The following SLC7A8 variants were observed in gnomAD, a reference collection of about 807,000 sequenced individuals.
SLC7A8 encodes large neutral amino acids transporter small subunit 2.
A neutral mutation model predicts 51.2 loss-of-function variants in SLC7A8; 30 were observed. The observed-to-expected ratio is 0.59, with a 90% CI of 0.44 to 0.80. SLC7A8 has a LOEUF of 0.80. SLC7A8 is among the 30% of genes least tolerant of loss of function. The pLI, the probability that SLC7A8 is intolerant of heterozygous loss-of-function variation, is 0.00. For missense variants in SLC7A8, 612 were observed against 674.4 expected (o/e 0.91, Z 1.03); for synonymous variants, 257 against 275.8 (o/e 0.93, Z 0.67).
Position 23,182,896 on chromosome 14 carries a change from G to T in SLC7A8, c.19C>A (p.His7Asn). The T allele has an allele frequency of 6.2e-7, 1 of 1,614,096 alleles. No homozygotes were observed. The highest frequency in any genetic ancestry group is 8.5e-7 in the Non-Finnish European group (1 of 1,180,018). Residue 7 changes from histidine to asparagine, a missense_variant, in exon 1 of 11, where the codon CAC becomes AAC. Coordinates refer to ENST00000316902, the MANE Select transcript of SLC7A8 (RefSeq NM_012244.4). MEEGARHRNNTEKKHPG... is the reference protein window; with the variant it reads MEEGARNRNNTEKKHPG... ...TGTTTCTTTTCGGTGTTGTTTCGGT[G>T]CCTGGCTCCTTCTTCCATCCTTCTC... is the stretch of plus-strand genomic sequence containing the variant.
chr14:23,180,883 A>C (rs182641142), intron 1 of SLC7A8, among the ~76,000 whole-genome samples: 2,374 of 152,150 alleles, frequency 0.016, 45 homozygotes, highest in African/African-American at 0.054. Context: ...AAAAATTAGC[A>C]GGGCGTGGTG....
intron 3 of SLC7A8, among the ~76,000 whole-genome samples, chr14:23,154,998 C>CAAAA (rs33973055): frequency 3.8e-4 from 34 of 89,400 alleles, no homozygotes; most frequent in African/African-American, 6.2e-4. Flanking sequence ...ACACAACAGA[C>CAAAA]AAAAAAAAAA....
intron 3 of SLC7A8, among the ~76,000 whole-genome samples, chr14:23,154,039 CAG>C (rs915362173): frequency 1.3e-5 from 2 of 152,198 alleles, no homozygotes; most frequent in African/African-American, 4.8e-5. Context: ...AGGAGCAGAA[CAG>C]AGAGAGGCCA....
At position 23,140,569 on chromosome 14, in the gene SLC7A8, G is replaced by T. The variant is rs763226598; in HGVS notation, c.690C>A (p.Asp230Glu). Residue 230 changes from aspartate to glutamate, a missense_variant, in exon 5 of 11, where the codon GAC becomes GAA. Asp to Glu is a conservative substitution (Grantham distance 45). Coordinates refer to ENST00000316902, the MANE Select transcript of SLC7A8 (RefSeq NM_012244.4). ...GGAAAGCCAGTGCGACGAGGCCGAT[G>T]TCAGGTTCCTGGAAATTCTCAAATG... Reference protein sequence around the residue: ...KNAFENFQEPDIGLVALAFLQ... With the variant: ...KNAFENFQEPEIGLVALAFLQ... 3.1e-6 allele frequency: 5 copies of T among 1,614,046 alleles called. No homozygotes were observed. Among genetic ancestry groups the T allele is most frequent in the Non-Finnish European group, 4.2e-6 (5 of 1,179,996 alleles).
chr14:23,165,465 A>G lies in SLC7A8; in HGVS notation c.357-29T>C. ...AAGGAGGAAAGGGACATCCGCCGAA[A>G]GGCATGGCAGGGACGCAGAGCCATC... On this transcript the variant is annotated intron_variant, in intron 2 of 10. Coordinates refer to ENST00000316902, the MANE Select transcript of SLC7A8 (RefSeq NM_012244.4). The surrounding 1 kb of genome is among the most constrained non-coding windows in gnomAD (Gnocchi z 4.2). 6.4e-7 allele frequency: 1 copy of G among 1,568,768 alleles called. No homozygotes were observed. Among genetic ancestry groups the G allele is most frequent in the Non-Finnish European group, 8.6e-7 (1 of 1,163,598 alleles).
intron 7 of SLC7A8, 129 bp downstream of exon 7, chr14:23,137,792 C>A: frequency 1.7e-6 from 2 of 1,169,404 alleles, no homozygotes; most frequent in East Asian, 4.8e-5. Flanking sequence ...TGAGCAGTCA[C>A]CCCTCTGCAA....
chr14:23,142,126 G>A (rs930862248), intron 4 of SLC7A8, among the ~76,000 whole-genome samples: 12 of 152,344 alleles, frequency 7.9e-5, no homozygotes, highest in Non-Finnish European at 1.5e-4. Flanking sequence ...TTATATAGCA[G>A]AAACTTAATT....
At chr14:23,139,309 T>A in intron 6 of SLC7A8, 115 bp downstream of exon 6, 1 of 1,514,216 alleles carries the variant, frequency 6.6e-7, no homozygotes, top group Non-Finnish European at 9.1e-7. Flanking sequence ...CCTGAGAACT[T>A]GGGGGTGATT....
At chr14:23,151,512 C>T (rs2048846906) in intron 3 of SLC7A8, among the ~76,000 whole-genome samples, 1 of 152,052 alleles carries the variant, frequency 6.6e-6, no homozygotes, top group Non-Finnish European at 1.5e-5. Flanking sequence ...ATCCCAGTGA[C>T]AGTAGAGACT....
chr14:23,171,908 C>T (rs1157550965), intron 1 of SLC7A8, among the ~76,000 whole-genome samples: 2 of 152,240 alleles, frequency 1.3e-5, no homozygotes, highest in Non-Finnish European at 2.9e-5. Flanking sequence ...GAGGAGTCAA[C>T]ATCTTCTGCA....
At chr14:23,155,082 G>T (rs2048881667) in intron 3 of SLC7A8, 1 of 1,228,418 alleles carries the variant, frequency 8.1e-7, no homozygotes, top group Non-Finnish European at 1.1e-6. Context: ...GCACAGTGGG[G>T]AGTGTGGTTT....
chr14:23,149,416 A>G lies in SLC7A8; in HGVS notation c.509-6212T>C, dbSNP rs974954276. On this transcript the variant is annotated intron_variant, in intron 3 of 10. Coordinates refer to ENST00000316902, the MANE Select transcript of SLC7A8 (RefSeq NM_012244.4). Reference sequence around the variant, plus strand: ...CCAGATACGCAAACACTGGCCCAAGAATCACTAACTTCTTGCAAGGCGAGT... The same window carrying G: ...CCAGATACGCAAACACTGGCCCAAGGATCACTAACTTCTTGCAAGGCGAGT... 2.6e-5 allele frequency among the ~76,000 whole-genome samples: 4 copies of G among 152,174 alleles called. No individual in the cohort carries two copies. In the East Asian group the frequency reaches 7.7e-4, roughly 29 times the overall value.
At chr14:23,129,548 T>A in intron 9 of SLC7A8, 102 bp downstream of exon 9, 2 of 1,345,264 alleles carry the variant, frequency 1.5e-6, no homozygotes, top group Non-Finnish European at 2.1e-6. Context: ...TCAGAGATGA[T>A]GACGTGTGGT....
Position 23,126,765 on chromosome 14 carries a change from T to G in SLC7A8, c.*412A>C. On this transcript the variant is annotated 3_prime_UTR_variant, in exon 11 of 11. Transcript: ENST00000316902. The stretch of plus-strand genomic sequence containing the variant: ...AGCTGACCCCTTGATGGGGACAGAA[T>G]TGCTTGAGCCTGTCCCCCCACAATG... 1 of 222,572 alleles carries G rather than the reference T, an allele frequency of 4.5e-6. No individual in the cohort carries two copies. The highest frequency in any genetic ancestry group is 5.1e-5 in the Admixed American group (1 of 19,540). 13.8% of individuals were successfully genotyped at this position (222,572 alleles called of 1,614,324 possible). A position where few individuals can be genotyped will look rare whatever the true frequency, so the allele number is the denominator to read the frequency against.
intron 6 of SLC7A8, chr14:23,138,297 G>C: frequency 2.6e-6 from 1 of 380,992 alleles, no homozygotes; most frequent in Non-Finnish European, 4.8e-6. Flanking sequence ...GTGAGGAACT[G>C]AGTCACATAG....
At chr14:23,173,914 T>C (rs1037188897) in intron 1 of SLC7A8, among the ~76,000 whole-genome samples, 4 of 152,146 alleles carry the variant, frequency 2.6e-5, no homozygotes, top group African/African-American at 9.7e-5. Flanking sequence ...GTGCTGGAAT[T>C]ACAAGTATGT....
At chr14:23,160,898 T>C (rs1214373160) in intron 3 of SLC7A8, among the ~76,000 whole-genome samples, 2 of 152,166 alleles carry the variant, frequency 1.3e-5, no homozygotes, top group Non-Finnish European at 2.9e-5. Flanking sequence ...ATACTTGTTC[T>C]GGAGAAGAGA....
intron 1 of SLC7A8, among the ~76,000 whole-genome samples, chr14:23,168,544 G>C (rs750391887): frequency 5.9e-5 from 9 of 152,184 alleles, no homozygotes; most frequent in Admixed American, 1.3e-4. Context: ...TAAAGCTAGG[G>C]TTATAAAACC....
At chr14:23,157,677 A>G (rs2048901304) in intron 3 of SLC7A8, among the ~76,000 whole-genome samples, 1 of 152,134 alleles carries the variant, frequency 6.6e-6, no homozygotes, top group Admixed American at 6.5e-5. Flanking sequence ...CTGCTAGAAC[A>G]TTCTCCCCAC....
Sources: gnomAD v4.1 joint callset for allele counts (sites outside exome capture counted in the v4.1 genomes callset) on GRCh38, gnomAD v4.1.1 for gene constraint, Gnocchi (gnomAD v3.1) non-coding constraint, MANE v1.5 for transcripts, NCBI Gene and HGNC (gene_info 2026-07-23, HGNC 2026-07-21) for gene names.